The following RBPMS variants were observed in gnomAD, a reference collection of about 807,000 sequenced individuals.
The protein encoded by RBPMS is RNA-binding protein with multiple splicing.
A neutral mutation model predicts 26.8 loss-of-function variants in RBPMS; 7 were observed. The observed-to-expected ratio is 0.26, with a 90% confidence interval of 0.15 to 0.49. The LOEUF is 0.49. RBPMS is among the 20% of genes least tolerant of loss of function. RBPMS has a pLI of 0.98. For missense variants in RBPMS, 186 were observed against 250.0 expected, an observed-to-expected ratio of 0.74 and a Z score of 1.73; for synonymous variants, 96 against 93.3, an observed-to-expected ratio of 1.03 and a Z score of -0.17.
At chr8:30,517,188 C>CTGTGTG (rs1822417076) in intron 5 of RBPMS, among the ~76,000 whole-genome samples, 4 of 111,136 alleles carry the variant, frequency 3.6e-5, no homozygotes, top group African/African-American at 1.5e-4. Context: ...GGCCAAGACC[C>CTGTGTG]CGTGTGTGTG....
intron 6 of RBPMS, among the ~76,000 whole-genome samples, chr8:30,550,617 C>CATGA (rs1826275528): frequency 2.0e-5 from 3 of 152,186 alleles, no homozygotes; most frequent in Non-Finnish European, 4.4e-5. Flanking sequence ...GACTGGAAAG[C>CATGA]ATGAATGAAT....
At chr8:30,458,958 G>A (rs1815567949) in intron 1 of RBPMS, among the ~76,000 whole-genome samples, 1 of 146,160 alleles carries the variant, frequency 6.8e-6, no homozygotes, top group Admixed American at 6.8e-5. Flanking sequence ...CACCCAGCAT[G>A]TTGGCTTTTT....
Position 30,384,625 on chromosome 8 carries a change from C to CCCCG in RBPMS, c.-467_-466insCCGC, listed in dbSNP as rs1806776397. On this transcript the variant is annotated 5_prime_UTR_variant, in exon 1 of 9. Transcript: ENST00000397323. The surrounding 1 kb of genome is among the most constrained non-coding windows in gnomAD (Gnocchi z 5.6). ...CGCGCTCCTCCGCCCCGCTCCTCCT[C>CCCCG]CTCCTCTTCCTCCTCCTCCTCCTCT... 6.3e-6 allele frequency: 1 copy of CCCCG among 159,972 alleles called. No homozygotes were observed. The highest frequency in any genetic ancestry group is 1.8e-4 in the East Asian group (1 of 5,470). 9.9% of individuals were successfully genotyped at this position (159,972 alleles called of 1,614,324 possible). A position where few individuals can be genotyped will look rare whatever the true frequency, so the allele number is the denominator to read the frequency against.
chr8:30,456,261 C>G (rs565325730), intron 1 of RBPMS, among the ~76,000 whole-genome samples: 1 of 152,080 alleles, frequency 6.6e-6, no homozygotes, highest in Non-Finnish European at 1.5e-5. Context: ...GGTATACTCT[C>G]CAGCAAAGAT....
chr8:30,525,533 T>C (rs113256401), intron 5 of RBPMS, among the ~76,000 whole-genome samples: 22 of 152,326 alleles, frequency 1.4e-4, no homozygotes, highest in African/African-American at 5.3e-4. Context: ...TCTGAAGTCA[T>C]CTAAAATTCA....
rs1428616954 is a variant in RBPMS, at chr8:30,556,086, T to C, written c.529-2801T>C. 2.5e-5 allele frequency: 25 copies of C among 985,278 alleles called. 1 individual carries two copies. In the Admixed American group the frequency reaches 1.5e-3, roughly 58 times the overall value. 61.0% of individuals were successfully genotyped at this position (985,278 alleles called of 1,614,324 possible). On this transcript the variant is annotated intron_variant, in intron 6 of 8. Transcript: ENST00000397323. ...GGAAGAGGAGGCAGCCGTGGGTGTC[T>C]GTGGATGCGGTGAGAAGAGCCCCCC...
At chr8:30,521,910 G>C (rs1358813686) in intron 5 of RBPMS, among the ~76,000 whole-genome samples, 1 of 152,130 alleles carries the variant, frequency 6.6e-6, no homozygotes, top group Non-Finnish European at 1.5e-5. Flanking sequence ...AGATAGAATG[G>C]GGGGATTGGA....
intron 6 of RBPMS, among the ~76,000 whole-genome samples, chr8:30,549,826 CTTTTCTTTCTT>C (rs1161495107): frequency 8.1e-6 from 1 of 123,500 alleles, no homozygotes; most frequent in African/African-American, 3.2e-5. Context: ...CTCTCTCTCT[CTTTTCTTTCTT>C]TTCTTTCTTT....
chr8:30,547,320 C>T, intron 6 of RBPMS: 2 of 1,613,092 alleles, frequency 1.2e-6, no homozygotes, highest in Non-Finnish European at 1.7e-6. Flanking sequence ...AAGCCCAACA[C>T]ACCTGTCTTT....
intron 6 of RBPMS, among the ~76,000 whole-genome samples, chr8:30,555,622 G>T (rs1826806156): frequency 6.6e-6 from 1 of 152,228 alleles, no homozygotes; most frequent in Non-Finnish European, 1.5e-5. Context: ...ATGGCATGAA[G>T]AAATGTGAGG....
chr8:30,544,193 ACT>A (rs1825670986), intron 5 of RBPMS, among the ~76,000 whole-genome samples: 1 of 152,132 alleles, frequency 6.6e-6, no homozygotes, highest in African/African-American at 2.4e-5. Context: ...GGAAATTCCC[ACT>A]GTTTTGGGTT....
chr8:30,549,620 A>C (rs775294190), intron 6 of RBPMS: 36 of 1,542,442 alleles, frequency 2.3e-5, no homozygotes, highest in Non-Finnish European at 2.9e-5. Context: ...CTTAGCTCTC[A>C]CAGGAGGAGG....
intron 5 of RBPMS, among the ~76,000 whole-genome samples, chr8:30,513,618 A>G (rs1821971947): frequency 6.8e-6 from 1 of 147,104 alleles, no homozygotes; most frequent in Admixed American, 6.8e-5. Flanking sequence ...AAAAAAAATC[A>G]GGGACTCGAA....
intron 5 of RBPMS, among the ~76,000 whole-genome samples, chr8:30,530,965 A>G (rs886513442): frequency 6.6e-6 from 1 of 152,144 alleles, no homozygotes; most frequent in African/African-American, 2.4e-5. Context: ...AACCGTATGT[A>G]TAAGTATGGG....
intron 1 of RBPMS, among the ~76,000 whole-genome samples, chr8:30,410,718 CTTT>C (rs33979972): frequency 2.3e-5 from 3 of 131,898 alleles, no homozygotes; most frequent in African/African-American, 8.4e-5. Flanking sequence ...TTCTTTTTTC[CTTT>C]TTTTTTTTTT....
At chr8:30,446,859 G>GCACGTGCGC (rs1191162236) in intron 1 of RBPMS, 2 of 148,112 alleles carry the variant, frequency 1.4e-5, no homozygotes, top group African/African-American at 5.2e-5. Context: ...GCGCGCGCGC[G>GCACGTGCGC]GTGGAGGGTA....
At chr8:30,442,265 G>A (rs1393576269) in intron 1 of RBPMS, among the ~76,000 whole-genome samples, 1 of 152,120 alleles carries the variant, frequency 6.6e-6, no homozygotes, top group African/African-American at 2.4e-5. Context: ...TGGTGATACA[G>A]GCAAACTTAA....
chr8:30,393,739 A>C (rs1585331924), intron 1 of RBPMS, among the ~76,000 whole-genome samples: 1 of 152,144 alleles, frequency 6.6e-6, no homozygotes, highest in Admixed American at 6.5e-5. Context: ...GGTTGGTCTC[A>C]AACTCTTGAC....
chr8:30,385,380 C>A (rs931916453), intron 1 of RBPMS: 3 of 395,702 alleles, frequency 7.6e-6, no homozygotes, highest in Admixed American at 9.2e-5. Context: ...AAGGACTTTT[C>A]GGAGACTTTT....
Sources: gnomAD v4.1 joint callset for allele counts (sites outside exome capture counted in the v4.1 genomes callset) on GRCh38, gnomAD v4.1.1 for gene constraint, Gnocchi (gnomAD v3.1) non-coding constraint, MANE v1.5 for transcripts, NCBI Gene and HGNC (gene_info 2026-07-23, HGNC 2026-07-21) for gene names.